Variants in NCAM2 observed in about 807,000 individuals in gnomAD.
NCAM2 encodes N-CAM-2.
In NCAM2, 30 loss-of-function variants were observed where a neutral mutation model predicts 98.1. The observed-to-expected ratio is 0.31, with a 90% CI of 0.23 to 0.41. The LOEUF is 0.41. NCAM2 is among the 10% of genes least tolerant of loss of function. NCAM2 has a pLI of 1.00. For missense variants in NCAM2, 867 were observed against 1,005.8 expected, an observed-to-expected ratio of 0.86 and a Z score of 1.87; for synonymous variants, 368 against 342.4, an observed-to-expected ratio of 1.07 and a Z score of -0.83.
At chr21:21,267,276 A>G (rs776583422) in intron 1 of NCAM2, among the ~76,000 whole-genome samples, 2 of 152,226 alleles carry the variant, frequency 1.3e-5, no homozygotes, top group African/African-American at 2.4e-5. Flanking sequence ...CATTATAATA[A>G]GCTTTGTTTA....
At chr21:21,353,763 AT>A (rs2075401152) in intron 8 of NCAM2, among the ~76,000 whole-genome samples, 1 of 152,168 alleles carries the variant, frequency 6.6e-6, no homozygotes, top group Admixed American at 6.5e-5. Context: ...TTCACATTTT[AT>A]AGCAGTATAT....
chr21:21,150,551 GT>G (rs2067417194), intron 1 of NCAM2, among the ~76,000 whole-genome samples: 1 of 151,924 alleles, frequency 6.6e-6, no homozygotes, highest in Admixed American at 6.6e-5. Context: ...ATTAATTGAT[GT>G]TGAATTTTGT....
intron 1 of NCAM2, among the ~76,000 whole-genome samples, chr21:21,103,133 T>C (rs1222923657): frequency 1.3e-5 from 2 of 152,026 alleles, no homozygotes; most frequent in African/African-American, 4.8e-5. Flanking sequence ...CTGTAGAAAG[T>C]CCAAGTTTTA....
chr21:21,200,623 T>C lies in NCAM2; in HGVS notation c.56-79955T>C, dbSNP rs1274440311. Among the ~76,000 whole-genome samples the C allele has an allele frequency of 2.1e-5, 3 of 146,178 alleles. No homozygotes were observed. In the East Asian group the frequency reaches 5.9e-4, roughly 29 times the overall value. On this transcript the variant is annotated intron_variant, in intron 1 of 17. Transcript: ENST00000400546. ...TCATAGAAAATGCAGACTATAAACA[T>C]TTTTTTTTTGCTGGTTAACTTACCA...
intron 1 of NCAM2, among the ~76,000 whole-genome samples, chr21:21,243,876 A>G (rs2071164876): frequency 6.6e-6 from 1 of 152,174 alleles, no homozygotes; most frequent in Non-Finnish European, 1.5e-5. Context: ...CTTTAACATA[A>G]TAAAAATATG....
In NCAM2 at chr21:21,082,717, T is replaced by C. The variant is rs546157141; in HGVS notation, c.55+84099T>C. 2.1e-4 allele frequency among the ~76,000 whole-genome samples: 32 copies of C among 152,338 alleles called. 1 individual carries two copies. The South Asian group carries it at 3.3e-3, about 16-fold the overall frequency. On this transcript the variant is annotated intron_variant, in intron 1 of 17. Coordinates refer to ENST00000400546, the MANE Select transcript of NCAM2 (RefSeq NM_004540.5). ...ACTGGGCTGATTTATTATGTTCATC[T>C]TTATGTCATGTGTTTTTATGTATTA...
intron 12 of NCAM2, among the ~76,000 whole-genome samples, chr21:21,440,445 G>C (rs983739848): frequency 6.6e-6 from 1 of 152,076 alleles, no homozygotes; most frequent in African/African-American, 2.4e-5. Flanking sequence ...TCTTAGGGAG[G>C]CCAAAGTGGG....
intron 1 of NCAM2, among the ~76,000 whole-genome samples, chr21:21,000,182 G>T: frequency 6.6e-6 from 1 of 152,188 alleles, no homozygotes; most frequent in East Asian, 1.9e-4. Context: ...GATAGCTGCT[G>T]ATTGTGTTTA....
intron 9 of NCAM2, among the ~76,000 whole-genome samples, chr21:21,408,282 A>G (rs1017222162): frequency 6.6e-6 from 1 of 152,180 alleles, no homozygotes; most frequent in African/African-American, 2.4e-5. Flanking sequence ...GGGCAGGTAT[A>G]TGCCGAGCTA....
intron 1 of NCAM2, among the ~76,000 whole-genome samples, chr21:21,151,361 C>T (rs2067443834): frequency 1.3e-5 from 2 of 151,956 alleles, no homozygotes; most frequent in Admixed American, 1.3e-4. Flanking sequence ...TGTGCTGCAC[C>T]TCATTTAATG....
At chr21:21,266,766 A>G (rs946489760) in intron 1 of NCAM2, among the ~76,000 whole-genome samples, 9 of 152,148 alleles carry the variant, frequency 5.9e-5, no homozygotes, top group African/African-American at 2.2e-4. Context: ...GATATACCTA[A>G]TGTAAATGAC....
chr21:21,378,146 G>A (rs1375758102), intron 9 of NCAM2, among the ~76,000 whole-genome samples: 1 of 151,382 alleles, frequency 6.6e-6, no homozygotes, highest in Non-Finnish European at 1.5e-5. Flanking sequence ...CATGAACATG[G>A]GACTGCAGAT....
At chr21:21,491,289 A>T (rs1464211770) in intron 15 of NCAM2, among the ~76,000 whole-genome samples, 1 of 151,828 alleles carries the variant, frequency 6.6e-6, no homozygotes, top group Admixed American at 6.6e-5. Context: ...TTTCAATAAA[A>T]CACATGAACA....
intron 1 of NCAM2, among the ~76,000 whole-genome samples, chr21:21,275,894 A>G (rs973218751): frequency 7.2e-5 from 11 of 152,232 alleles, no homozygotes; most frequent in African/African-American, 2.6e-4. Context: ...GTAATTTTGG[A>G]CAAAAATTCA....
chr21:21,493,441 G>C (rs749432933), intron 15 of NCAM2, among the ~76,000 whole-genome samples: 2 of 151,852 alleles, frequency 1.3e-5, no homozygotes, highest in African/African-American at 2.4e-5. Flanking sequence ...GGAAACTAAA[G>C]AGGGCTCCCA....
chr21:21,292,313 G>A (rs2073327947), intron 5 of NCAM2, 72 bp downstream of exon 5: 2 of 1,458,680 alleles, frequency 1.4e-6, no homozygotes, highest in South Asian at 1.3e-5. Context: ...TGGCAACCAT[G>A]TGAACTCAAA....
At chr21:21,171,060 G>A (rs1163962913) in intron 1 of NCAM2, among the ~76,000 whole-genome samples, 1 of 152,172 alleles carries the variant, frequency 6.6e-6, no homozygotes, top group Admixed American at 6.5e-5. Flanking sequence ...AATTAGACAA[G>A]GGTGTGGTAA....
chr21:21,471,624 A>G (rs557749800), intron 14 of NCAM2, among the ~76,000 whole-genome samples: 14 of 152,210 alleles, frequency 9.2e-5, no homozygotes, highest in Admixed American at 7.2e-4. Flanking sequence ...TCCAGTGTGC[A>G]CAGGGCTATA....
intron 1 of NCAM2, among the ~76,000 whole-genome samples, chr21:21,081,630 AT>A (rs1307153729): frequency 8.0e-6 from 1 of 125,206 alleles, no homozygotes; most frequent in African/African-American, 2.7e-5. Context: ...GTGAAACCCC[AT>A]CTCTACCAAA....
Sources: allele counts gnomAD v4.1 joint callset (sites outside exome capture counted in the v4.1 genomes callset), GRCh38; gene constraint gnomAD v4.1.1; transcripts MANE v1.5; gene names NCBI Gene and HGNC (gene_info 2026-07-23, HGNC 2026-07-21).